Variants in MAP4K4 observed in about 807,000 individuals in gnomAD.
MAP4K4 encodes the protein mitogen-activated protein kinase kinase kinase kinase 4.
MAP4K4 carries 38 observed loss-of-function variants against 189.6 expected under a neutral mutation model. The observed-to-expected ratio is 0.20, with a 90% CI of 0.15 to 0.26. MAP4K4 has a LOEUF of 0.26. MAP4K4 is among the 10% of genes least tolerant of loss of function. MAP4K4 has a pLI of 1.00. For synonymous variants in MAP4K4, 610 were observed against 624.3 expected, an observed-to-expected ratio of 0.98 and a Z score of 0.34; for missense variants, 1,054 against 1,726.9, an observed-to-expected ratio of 0.61 and a Z score of 6.91.
chr2:101,885,849 GT>G (rs2098472676), intron 29 of MAP4K4, among the ~76,000 whole-genome samples: 1 of 152,164 alleles, frequency 6.6e-6, no homozygotes, highest in South Asian at 2.1e-4. Context: ...CATGTATACA[GT>G]TTTAGGAAAG....
chr2:101,846,148 C>T (rs556108503), intron 12 of MAP4K4, among the ~76,000 whole-genome samples: 2 of 152,306 alleles, frequency 1.3e-5, no homozygotes, highest in South Asian at 2.1e-4. Flanking sequence ...GACAACTTCG[C>T]TGCTTTTATA....
At chr2:101,704,189 T>C (rs1431650210) in intron 2 of MAP4K4, among the ~76,000 whole-genome samples, 1 of 152,050 alleles carries the variant, frequency 6.6e-6, no homozygotes, top group Non-Finnish European at 1.5e-5. Flanking sequence ...TAGGAGGAGA[T>C]TGTGTCAGCT....
chr2:101,722,497 AAG>A (rs2052737112), intron 2 of MAP4K4, among the ~76,000 whole-genome samples: 1 of 152,182 alleles, frequency 6.6e-6, no homozygotes, highest in East Asian at 1.9e-4. Flanking sequence ...ATTTGAGAGA[AAG>A]AGGTAAATAA....
chr2:101,835,773 C>A, intron 8 of MAP4K4, 127 bp from the exon 9 acceptor site: 1 of 621,894 alleles, frequency 1.6e-6, no homozygotes, highest in Non-Finnish European at 3.0e-6. Context: ...GATGTCTAGA[C>A]TGCTTGGTAT....
chr2:101,698,452 C>T (rs748121686), intron 1 of MAP4K4, 21 bp from the exon 2 acceptor site: 12 of 1,604,510 alleles, frequency 7.5e-6, no homozygotes, highest in Admixed American at 1.7e-5. Flanking sequence ...AATGATAACC[C>T]CTCCCCTCCT....
At chr2:101,849,289 AT>A (rs1315410342) in intron 12 of MAP4K4, among the ~76,000 whole-genome samples, 1 of 151,788 alleles carries the variant, frequency 6.6e-6, no homozygotes, top group African/African-American at 2.4e-5. Context: ...TACTAGGCTA[AT>A]TTTTGTATTT....
chr2:101,754,495 G>A (rs570332329), intron 2 of MAP4K4, among the ~76,000 whole-genome samples: 1 of 152,114 alleles, frequency 6.6e-6, no homozygotes, highest in Admixed American at 6.5e-5. Context: ...GGGACTACAG[G>A]TGTGTACCAC....
chr2:101,747,417 C>T (rs1219335272), intron 2 of MAP4K4, among the ~76,000 whole-genome samples: 1 of 152,122 alleles, frequency 6.6e-6, no homozygotes, highest in Non-Finnish European at 1.5e-5. Context: ...CATGCCCGGC[C>T]TTGTGTCCGT....
Position 101,700,786 on chromosome 2 carries a change from T to G in MAP4K4, c.123+2248T>G, listed in dbSNP as rs1239319753. Among the ~76,000 whole-genome samples the G allele has an allele frequency of 2.0e-5, 3 of 152,018 alleles. No homozygotes were observed. In the East Asian group the frequency reaches 5.8e-4, roughly 29 times the overall value. On this transcript the variant is annotated intron_variant, in intron 2 of 32. Coordinates refer to ENST00000324219, the Ensembl canonical transcript of MAP4K4. ...CTCATACATCAGTAAAATGTGTTTT[T>G]TTTTTTTTTTACTATAACAAGTTCT...
chr2:101,868,932 T>A (rs990476927), intron 21 of MAP4K4, among the ~76,000 whole-genome samples: 1 of 152,222 alleles, frequency 6.6e-6, no homozygotes, highest in Non-Finnish European at 1.5e-5. Flanking sequence ...CATGTCTATA[T>A]GACAAAGTCT....
In MAP4K4 at chr2:101,893,664, C is replaced by T. The variant is rs536886790; in HGVS notation, c.*2415C>T. The stretch of plus-strand genomic sequence containing the variant: ...AGAACAAAGGATGTGGCATAATGGT[C>T]TTAACATTATCCAAAGACTTGAAGC... On this transcript the variant is annotated 3_prime_UTR_variant, in exon 33 of 33. Coordinates refer to ENST00000324219, the Ensembl canonical transcript of MAP4K4. 406 of 156,994 alleles carry T rather than the reference C, an allele frequency of 2.6e-3. 1 individual carries two copies. The highest frequency in any genetic ancestry group is 9.3e-3 in the African/African-American group (385 of 41,590). 9.7% of individuals were successfully genotyped at this position (156,994 alleles called of 1,614,324 possible). A position where few individuals can be genotyped will look rare whatever the true frequency, so the allele number is the denominator to read the frequency against.
chr2:101,719,041 T>C (rs1456268915), intron 2 of MAP4K4, among the ~76,000 whole-genome samples: 1 of 152,208 alleles, frequency 6.6e-6, no homozygotes, highest in Non-Finnish European at 1.5e-5. Context: ...CAACTTTCAG[T>C]TGGGACTGTA....
intron 2 of MAP4K4, among the ~76,000 whole-genome samples, chr2:101,705,415 CAATG>C (rs58196797): frequency 0.24 from 37,090 of 151,870 alleles, 5,373 homozygotes; most frequent in Non-Finnish European, 0.31. Flanking sequence ...TGTTCAGACA[CAATG>C]AATGCACTGA....
intron 12 of MAP4K4, among the ~76,000 whole-genome samples, chr2:101,845,739 T>C (rs745465233): frequency 4.6e-5 from 7 of 152,228 alleles, no homozygotes; most frequent in South Asian, 2.1e-4. Flanking sequence ...AAGAGTCTTT[T>C]GATTTTCTTT....
chr2:101,741,399 A>AC (rs1314030030), intron 2 of MAP4K4, among the ~76,000 whole-genome samples: 1 of 151,400 alleles, frequency 6.6e-6, no homozygotes, highest in Non-Finnish European at 1.5e-5. Context: ...CAATCTCCTG[A>AC]CCTCGTGATC....
chr2:101,835,859 G>T, intron 8 of MAP4K4, 41 bp from the exon 9 acceptor site: 1 of 1,316,330 alleles, frequency 7.6e-7, no homozygotes, highest in South Asian at 1.2e-5. Flanking sequence ...AAGAATGAGT[G>T]AAATAAGTGC....
intron 2 of MAP4K4, among the ~76,000 whole-genome samples, chr2:101,726,487 A>G (rs1276524544): frequency 6.6e-6 from 1 of 152,160 alleles, no homozygotes; most frequent in Non-Finnish European, 1.5e-5. Flanking sequence ...GTCCATTATT[A>G]CTAGTTAAGT....
intron 13 of MAP4K4, among the ~76,000 whole-genome samples, chr2:101,858,317 T>C (rs940081835): frequency 1.3e-5 from 2 of 152,222 alleles, no homozygotes; most frequent in African/African-American, 2.4e-5. Flanking sequence ...ATTGTTATAA[T>C]GACTAATCAT....
chr2:101,828,236 G>A (rs1464870659), intron 5 of MAP4K4, among the ~76,000 whole-genome samples: 1 of 152,224 alleles, frequency 6.6e-6, no homozygotes, highest in Non-Finnish European at 1.5e-5. Context: ...AGATAGTCCT[G>A]TAAAAGTTTA....
Sources: allele counts gnomAD v4.1 joint callset (sites outside exome capture counted in the v4.1 genomes callset), GRCh38; gene constraint gnomAD v4.1.1; transcripts MANE v1.5; gene names NCBI Gene and HGNC (gene_info 2026-07-23, HGNC 2026-07-21).